The following CDH16 variants were observed in gnomAD, a reference collection of about 807,000 sequenced individuals.
CDH16 encodes cadherin-16.
A neutral mutation model predicts 87.6 loss-of-function variants in CDH16; 79 were observed. The ratio of observed to expected loss-of-function variants is 0.90; its 90% CI spans 0.75 to 1.09. The LOEUF is 1.09. CDH16 is among the 50% of genes least tolerant of loss of function. The pLI is 0.00. For synonymous variants in CDH16, 457 were observed against 439.5 expected (o/e 1.04, Z -0.50); for missense variants, 1,124 against 1,071.7 (o/e 1.05, Z -0.68).
Position 66,918,051 on chromosome 16 carries a change from C to T in CDH16, c.15G>A (p.Trp5Ter), listed in dbSNP as rs1363544587. ...GGACGGAGACACAAAGCAGCCACAG[C>T]CAGGCAGGGACCATGGTCAGGACAG... is the stretch of plus-strand genomic sequence containing the variant. The part of the protein sequence containing the change: MVPA[W>*]LWLLCVSVPQ... The change falls in exon 2 of 18, where the codon TGG becomes TGA. Residue 5 changes from tryptophan (W) to a stop codon, truncating the protein, a stop_gained. Coordinates refer to ENST00000299752, the MANE Select transcript of CDH16 (RefSeq NM_004062.4). LOFTEE classifies it high-confidence loss of function. 1.3e-6 allele frequency: 2 copies of T among 1,585,728 alleles called. No individual in the cohort carries two copies. Among genetic ancestry groups the T allele is most frequent in the Non-Finnish European group, 1.7e-6 (2 of 1,165,834 alleles).
In CDH16 at chr16:66,917,863, C is replaced by A. The variant is rs1205146127; in HGVS notation, c.46-138G>T. 5.2e-6 allele frequency: 5 copies of A among 962,958 alleles called. No individual in the cohort carries two copies. The African/African-American group carries it at 8.2e-5, about 16-fold the overall frequency. 59.7% of individuals were successfully genotyped at this position (962,958 alleles called of 1,614,324 possible). A position where few individuals can be genotyped will look rare whatever the true frequency, so the allele number is the denominator to read the frequency against. ...CATCCACCCGCGCTCTGGTCTTTGACCTCCTCATCCCACAGTGGCTCTATA... is the reference window on the plus strand; with the variant it reads ...CATCCACCCGCGCTCTGGTCTTTGAACTCCTCATCCCACAGTGGCTCTATA... On this transcript the variant is annotated intron_variant, in intron 2 of 17. Transcript: ENST00000299752.
In CDH16 at chr16:66,916,571, G is replaced by A; in HGVS notation, c.130-142C>T. 2.2e-6 allele frequency: 2 copies of A among 917,556 alleles called. No individual in the cohort carries two copies. Among genetic ancestry groups the A allele is most frequent in the South Asian group, 1.8e-5 (1 of 54,470 alleles). 56.8% of individuals were successfully genotyped at this position (917,556 alleles called of 1,614,324 possible). ...CTGTCAGAGGTCACACAGCCAGTAA[G>A]CATCAGGACTGAGACTCAGAGCCAG... On this transcript the variant is annotated intron_variant, in intron 3 of 17. Transcript: ENST00000299752. This position sits in a 1 kb window ranked among gnomAD's most constrained non-coding sequence, Gnocchi z 4.1.
rs1266551443 is a variant in CDH16, at chr16:66,918,797, C to T, written c.-14+7G>A. ...CCATGCCCTCCCCTCCACTCCCAGC[C>T]CCTCACCCTCCAGCGCCCAAGACTG... On this transcript the variant is annotated splice_region_variant and intron_variant, in intron 1 of 17. Coordinates refer to ENST00000299752, the MANE Select transcript of CDH16 (RefSeq NM_004062.4). 1 of 153,070 alleles carries T rather than the reference C, an allele frequency of 6.5e-6. No homozygotes were observed. The highest frequency in any genetic ancestry group is 2.4e-5 in the African/African-American group (1 of 41,502). The allele number at this position is 153,070 out of a possible 1,614,324, so 9.5% of individuals were successfully genotyped here.
At position 66,912,745 on chromosome 16, in the gene CDH16, T is replaced by TCA; in HGVS notation, c.1199_1200dup (p.Thr401Ter). On this transcript the variant is annotated frameshift_variant, in exon 10 of 18. Transcript: ENST00000299752. LOFTEE classifies it high-confidence loss of function. Reference sequence around the variant, plus strand: ...GCTCGGAGTGGGAGCACCCCCAGCGTCACACTGCCTGAAGTGGGGTCCACC... The same window carrying TCA: ...GCTCGGAGTGGGAGCACCCCCAGCGTCACACACTGCCTGAAGTGGGGTCCACC... 1 of 1,613,708 alleles carries TCA rather than the reference T, an allele frequency of 6.2e-7. No homozygotes were observed. Among genetic ancestry groups the TCA allele is most frequent in the Admixed American group, 1.7e-5 (1 of 60,004 alleles).
At position 66,912,425 on chromosome 16, in the gene CDH16, C is replaced by G; in HGVS notation, c.1365G>C (p.Gly455=). 1 of 1,613,970 alleles carries G rather than the reference C, an allele frequency of 6.2e-7. No individual in the cohort carries two copies. The highest frequency in any genetic ancestry group is 8.5e-7 in the Non-Finnish European group (1 of 1,179,874). ...HAPEFITSQI[G]PISLPEDVEP... is the part of the protein sequence containing the mutation. ...CCACATCCTCAGGGAGGCTTATAGGCCCAATCTGGAGGAGGAGGAGGGATG... is the reference window on the plus strand; with the variant it reads ...CCACATCCTCAGGGAGGCTTATAGGGCCAATCTGGAGGAGGAGGAGGGATG... Residue 455 remains glycine, a synonymous_variant, in exon 12 of 18, where the codon GGG becomes GGC. Transcript: ENST00000299752.
Position 66,909,927 on chromosome 16 carries a change from C to T in CDH16, c.2275+59G>A. The T allele has an allele frequency of 1.6e-6, 2 of 1,259,266 alleles. No individual in the cohort carries two copies. Among genetic ancestry groups the T allele is most frequent in the Non-Finnish European group, 2.3e-6 (2 of 881,906 alleles). 78.0% of individuals were successfully genotyped at this position (1,259,266 alleles called of 1,614,324 possible). On this transcript the variant is annotated intron_variant, in intron 16 of 17. Coordinates refer to ENST00000299752, the MANE Select transcript of CDH16 (RefSeq NM_004062.4). This position sits in a 1 kb window ranked among gnomAD's most constrained non-coding sequence, Gnocchi z 4.1. ...CTGTATGCATGTGTACCAGCTCCCT[C>T]CCCTTGCATCCCAGCGGTTCCCTCA... is the stretch of plus-strand genomic sequence containing the variant.
rs113155228 is a variant in CDH16 at position 66,917,704 on chromosome 16, C to T, written c.67G>A (p.Ala23Thr). ...VPQALPKAQP[A>T]ELSVEVPENY... is the part of the protein sequence containing the mutation. The stretch of plus-strand genomic sequence containing the variant: ...TCTGGAACTTCCACAGACAGCTCTG[C>T]AGGCTGGGCCTTGGGGAGAGCCTGT... The change falls in exon 3 of 18, where the codon GCA (alanine) becomes ACA (threonine). Residue 23 changes from alanine (A) to threonine (T), a missense_variant. Transcript: ENST00000299752. 30 of 1,612,690 alleles carry T rather than the reference C, an allele frequency of 1.9e-5. No individual in the cohort carries two copies. Among genetic ancestry groups the T allele is most frequent in the African/African-American group, 1.7e-4 (13 of 75,044 alleles).
chr16:66,915,971 G>A, intron 5 of CDH16, 94 bp downstream of exon 5: 6 of 1,414,098 alleles, frequency 4.2e-6, no homozygotes, highest in South Asian at 1.2e-5. Context: ...TGGCTGCCCT[G>A]TCCTATGCCA....
At position 66,915,348 on chromosome 16, in the gene CDH16, T is replaced by A; in HGVS notation, c.455A>T (p.Asp152Val). ...GIPFLFLEAS[D>V]RDEPGTANSD... is the part of the protein sequence containing the mutation. ...GTTGGCTGTGCCTGGCTCATCCCGG[T>A]CTGAAGCCTCAAGGAAGAGGAAGGG... is the stretch of plus-strand genomic sequence containing the variant. The change falls in exon 6 of 18, where the codon GAC becomes GTC. Residue 152 changes from aspartate to valine, a missense_variant. Physicochemically the swap from Asp to Val is radical, Grantham distance 152. Coordinates refer to ENST00000299752, the MANE Select transcript of CDH16 (RefSeq NM_004062.4). 1 of 1,613,366 alleles carries A rather than the reference T, an allele frequency of 6.2e-7. No homozygotes were observed. The highest frequency in any genetic ancestry group is 8.5e-7 in the Non-Finnish European group (1 of 1,179,802).
At position 66,911,919 on chromosome 16, in the gene CDH16, G is replaced by A. The variant is rs758402497; in HGVS notation, c.1770C>T (p.Asp590=). The A allele has an allele frequency of 9.3e-6, 15 of 1,608,066 alleles. No individual in the cohort carries two copies. The highest frequency in any genetic ancestry group is 1.0e-5 in the Non-Finnish European group (12 of 1,175,884). ...CTCACCTGAGGGTTCGGCTGATGGG[G>A]TCGGAGGGCTGGATGGTCAGCAGGA... ...GSFLLTIQPS[D]PISRTLRFSL... The change falls in exon 13 of 18, where the codon GAC becomes GAT. Residue 590 remains aspartate, a synonymous_variant. Transcript: ENST00000299752.
rs1567529679 is a variant in CDH16 at position 66,909,384 on chromosome 16, C to T, written c.2276-1G>A. 1 of 1,197,434 alleles carries T rather than the reference C, an allele frequency of 8.4e-7. No individual in the cohort carries two copies. The highest frequency in any genetic ancestry group is 1.2e-6 in the Non-Finnish European group (1 of 865,670). 74.2% of individuals were successfully genotyped at this position (1,197,434 alleles called of 1,614,324 possible). On this transcript the variant is annotated splice_acceptor_variant, in intron 16 of 17. Coordinates refer to ENST00000299752, the MANE Select transcript of CDH16 (RefSeq NM_004062.4). LOFTEE classifies it high-confidence loss of function. The surrounding 1 kb of genome is among the most constrained non-coding windows in gnomAD (Gnocchi z 4.1). ...TCCACGTTGCAGCGACACACGATCA[C>T]TGAGGGGAGAGGGGAGGAAGGTAAG...
intron 12 of CDH16, 37 bp from the exon 13 acceptor site, chr16:66,912,177 G>A (rs765855734): frequency 2.5e-6 from 4 of 1,604,940 alleles, no homozygotes; most frequent in Non-Finnish European, 3.4e-6. Flanking sequence ...TGCGGGCCTG[G>A]GCAAGGCACA....
rs1482088703 is a variant in CDH16, at chr16:66,916,248, C to G, written c.285+26G>C. ...AGCGTCTGGCTCTGCCTTGCCTGCT[C>G]TCCCCTACACCTGGCCCAGCCATAC... On this transcript the variant is annotated intron_variant, in intron 4 of 17. Transcript: ENST00000299752. This position sits in a 1 kb window ranked among gnomAD's most constrained non-coding sequence, Gnocchi z 4.1. 1.2e-6 allele frequency: 2 copies of G among 1,613,958 alleles called. No individual in the cohort carries two copies. Among genetic ancestry groups the G allele is most frequent in the African/African-American group, 2.7e-5 (2 of 74,948 alleles).
At chr16:66,915,979 CCAA>C in intron 5 of CDH16, 83 bp downstream of exon 5, 1 of 1,485,036 alleles carries the variant, frequency 6.7e-7, no homozygotes, top group Non-Finnish European at 9.3e-7. Context: ...CTGTCCTATG[CCAA>C]CTGTCTGGCC....
In CDH16 at chr16:66,918,039, A is replaced by G. The variant is rs1415818459; in HGVS notation, c.27T>C (p.Leu9=). The change falls in exon 2 of 18, where the codon CTT becomes CTC. Residue 9 remains leucine (L), a synonymous_variant. Coordinates refer to ENST00000299752, the MANE Select transcript of CDH16 (RefSeq NM_004062.4). MVPAWLWL[L]CVSVPQALPK... ...AGCTCACCTGGGGGACGGAGACACA[A>G]AGCAGCCACAGCCAGGCAGGGACCA... The G allele has an allele frequency of 6.3e-7, 1 of 1,585,206 alleles. No individual in the cohort carries two copies. The highest frequency in any genetic ancestry group is 2.3e-5 in the East Asian group (1 of 43,922).
At chr16:66,915,984 T>A in intron 5 of CDH16, 81 bp downstream of exon 5, 1 of 1,517,880 alleles carries the variant, frequency 6.6e-7, no homozygotes, top group East Asian at 2.3e-5. Context: ...CTATGCCAAC[T>A]GTCTGGCCAT....
chr16:66,918,193 AG>A (rs1404709638), intron 1 of CDH16, 115 bp from the exon 2 acceptor site: 2 of 668,150 alleles, frequency 3.0e-6, no homozygotes, highest in Non-Finnish European at 4.8e-6. Context: ...TCCCCTCCAA[AG>A]GAGCTGAGGC....
intron 14 of CDH16, chr16:66,910,878 G>C (rs566613380): frequency 5.2e-6 from 2 of 385,142 alleles, no homozygotes; most frequent in Non-Finnish European, 4.6e-6. Context: ...CCACCTCCCC[G>C]GCCCTATACC....
rs1333860468 is a variant in CDH16, at chr16:66,915,336, G to A, written c.467C>T (p.Pro156Leu). ...TCGAAGATCCGAGTTGGCTGTGCCT[G>A]GCTCATCCCGGTCTGAAGCCTCAAG... ...LFLEASDRDE[P>L]GTANSDLRFH... The change falls in exon 6 of 18, where the codon CCA (proline) becomes CTA (leucine). Residue 156 changes from proline (P) to leucine (L), a missense_variant. Physicochemically the swap from Pro to Leu is moderately conservative, Grantham distance 98 (BLOSUM62 -3). Coordinates refer to ENST00000299752, the MANE Select transcript of CDH16 (RefSeq NM_004062.4). 2 of 1,613,922 alleles carry A rather than the reference G, an allele frequency of 1.2e-6. No individual in the cohort carries two copies. The highest frequency in any genetic ancestry group is 1.7e-5 in the Admixed American group (1 of 59,990).
Sources: gnomAD v4.1 joint callset for allele counts on GRCh38, gnomAD v4.1.1 for gene constraint, Gnocchi (gnomAD v3.1) non-coding constraint, MANE v1.5 for transcripts, NCBI Gene and HGNC (gene_info 2026-07-23, HGNC 2026-07-21) for gene names.